The following TBC1D30 variants were observed in gnomAD, a reference collection of about 807,000 sequenced individuals.
The protein encoded by TBC1D30 is TBC1 domain family, member 30.
TBC1D30 carries 31 observed loss-of-function variants against 63.2 expected under a neutral mutation model. The observed-to-expected ratio is 0.49, with a 90% CI of 0.37 to 0.66. The LOEUF is 0.66. TBC1D30 is among the 30% of genes least tolerant of loss of function. The probability of loss-of-function intolerance (pLI) is 0.00; values close to 1 mark genes in which losing one functional copy is unlikely to be tolerated. For synonymous variants in TBC1D30, 307 were observed against 361.5 expected (o/e 0.85, Z 1.71); for missense variants, 810 against 953.6 (o/e 0.85, Z 1.98).
chr12:64,799,029 G>A (rs1455452959), intron 2 of TBC1D30, among the ~76,000 whole-genome samples: 1 of 151,960 alleles, frequency 6.6e-6, no homozygotes, highest in Non-Finnish European at 1.5e-5. Context: ...TAGCCAGGAT[G>A]GTCTTGACCT....
At chr12:64,825,306 C>G in intron 1 of TBC1D30, 1 of 408,968 alleles carries the variant, frequency 2.4e-6, no homozygotes, top group Non-Finnish European at 4.3e-6. Flanking sequence ...GGCCTGTGTG[C>G]TCGGCTTTCT....
At chr12:64,806,846 A>G (rs183693653) in intron 2 of TBC1D30, among the ~76,000 whole-genome samples, 3 of 152,374 alleles carry the variant, frequency 2.0e-5, no homozygotes, top group Admixed American at 2.0e-4. Flanking sequence ...AACACTATTC[A>G]GCTTTAGAAA....
chr12:64,803,929 G>A (rs939799058), intron 2 of TBC1D30, among the ~76,000 whole-genome samples: 1 of 152,182 alleles, frequency 6.6e-6, no homozygotes, highest in Admixed American at 6.5e-5. Context: ...AAGTCAGGTA[G>A]TGTGATGCCT....
At chr12:64,854,160 T>C (rs1331249109) in intron 8 of TBC1D30, among the ~76,000 whole-genome samples, 1 of 152,206 alleles carries the variant, frequency 6.6e-6, no homozygotes, top group Admixed American at 6.5e-5. Flanking sequence ...TCTTTCTTCT[T>C]TCCTTCGTTT....
chr12:64,872,492 A>T (rs1426046428), intron 11 of TBC1D30, among the ~76,000 whole-genome samples: 1 of 152,132 alleles, frequency 6.6e-6, no homozygotes, highest in African/African-American at 2.4e-5. Flanking sequence ...TCTTTAAGGG[A>T]GAGATTGCTG....
chr12:64,778,775 C>T (rs188414660), upstream of TBC1D30, among the ~76,000 whole-genome samples: 14 of 152,060 alleles, frequency 9.2e-5, no homozygotes, highest in Admixed American at 2.0e-4. Flanking sequence ...CCGTCCACCT[C>T]GGCCTCCCAA....
upstream of TBC1D30, chr12:64,824,517 G>C (rs370317924): frequency 4.6e-6 from 1 of 216,064 alleles, no homozygotes; most frequent in African/African-American, 2.3e-5. Flanking sequence ...TTCTGGGCAC[G>C]GGGGAGCTGG....
intron 2 of TBC1D30, among the ~76,000 whole-genome samples, chr12:64,798,545 T>C (rs1463646396): frequency 6.6e-6 from 1 of 152,214 alleles, no homozygotes; most frequent in Non-Finnish European, 1.5e-5. Flanking sequence ...GCTGATTTGA[T>C]ATTCTCAAGA....
chr12:64,849,592 G>T (rs1876687118), intron 8 of TBC1D30, among the ~76,000 whole-genome samples: 1 of 152,106 alleles, frequency 6.6e-6, no homozygotes, highest in Non-Finnish European at 1.5e-5. Context: ...TAGATGTGTG[G>T]TGTTATTTCT....
chr12:64,866,624 G>T (rs1266603552), intron 9 of TBC1D30, 140 bp from the exon 10 acceptor site: 5 of 824,184 alleles, frequency 6.1e-6, no homozygotes, highest in Non-Finnish European at 8.8e-6. Flanking sequence ...ATTTTTAGCA[G>T]AGATGGGGTT....
chr12:64,848,725 CA>C (rs1210877351), intron 8 of TBC1D30, among the ~76,000 whole-genome samples: 1 of 152,178 alleles, frequency 6.6e-6, no homozygotes, highest in Non-Finnish European at 1.5e-5. Flanking sequence ...AATAGTGCTG[CA>C]GTAAATGTAA....
rs536842219 is a variant in TBC1D30 at position 64,818,494 on chromosome 12, C to T, written c.644-9341C>T. Reference sequence around the variant, plus strand: ...GTTGCCAGGCTGGAATGCTGGAATGCAGTGGCGCAATCCTGGCTCACTCAA... The same window carrying T: ...GTTGCCAGGCTGGAATGCTGGAATGTAGTGGCGCAATCCTGGCTCACTCAA... On this transcript the variant is annotated intron_variant, in intron 2 of 12. Coordinates refer to the TBC1D30 transcript ENST00000542120. 23 of 728,130 alleles carry T rather than the reference C, an allele frequency of 3.2e-5. 1 individual carries two copies. The African/African-American group carries it at 3.5e-4, about 11-fold the overall frequency. The allele number at this position is 728,130 out of a possible 1,614,324, so 45.1% of individuals were successfully genotyped here.
chr12:64,807,917 A>ATTTTTTTTTTTTTTTTTTTTTT (rs1175968255), intron 2 of TBC1D30, among the ~76,000 whole-genome samples: 2 of 49,510 alleles, frequency 4.0e-5, no homozygotes, highest in African/African-American at 3.9e-4. Context: ...GCCTAATTTA[A>ATTTTTTTTTTTTTTTTTTTTTT]GTTTTTTTTT....
chr12:64,839,734 C>A (rs556351719), intron 7 of TBC1D30, among the ~76,000 whole-genome samples: 2 of 152,008 alleles, frequency 1.3e-5, no homozygotes, highest in Non-Finnish European at 2.9e-5. Context: ...CGGCCGAGCG[C>A]GGTAGCTCAC....
intron 1 of TBC1D30, among the ~76,000 whole-genome samples, chr12:64,774,322 T>C (rs1242319147): frequency 6.6e-6 from 1 of 152,220 alleles, no homozygotes; most frequent in East Asian, 1.9e-4. Context: ...CTGATTGGTG[T>C]ACCTGAAAGA....
chr12:64,809,009 T>C (rs550084624), intron 2 of TBC1D30, among the ~76,000 whole-genome samples: 1 of 152,340 alleles, frequency 6.6e-6, no homozygotes, highest in South Asian at 2.1e-4. Flanking sequence ...ATGAACATGG[T>C]ATAGCTCTGT....
chr12:64,875,136 C>T lies in TBC1D30; in HGVS notation c.1634C>T (p.Thr545Ile), dbSNP rs1169610645. 6.5e-7 allele frequency: 1 copy of T among 1,536,444 alleles called. No individual in the cohort carries two copies. Among genetic ancestry groups the T allele is most frequent in the South Asian group, 1.2e-5 (1 of 84,066 alleles). Residue 545 changes from threonine to isoleucine, a missense_variant, in exon 12 of 12, where the codon ACA becomes ATA. Thr to Ile is a moderately conservative substitution (Grantham distance 89). Transcript: ENST00000539867. ...GCTGTCATCCACATCCCTGGTCACA[C>T]AGGAGGGAAAATATCTCCTGTCCCC... ...KNAVIHIPGHTGGKISPVPYE... is the reference protein window; with the variant it reads ...KNAVIHIPGHIGGKISPVPYE...
intron 8 of TBC1D30, among the ~76,000 whole-genome samples, chr12:64,860,136 G>GC (rs930867257): frequency 2.0e-5 from 3 of 151,100 alleles, no homozygotes; most frequent in Non-Finnish European, 2.9e-5. Context: ...TCCCACCTCA[G>GC]CCCCCCAAGT....
chr12:64,867,010 A>G (rs1322932314), intron 10 of TBC1D30, 107 bp downstream of exon 10: 15 of 1,291,952 alleles, frequency 1.2e-5, no homozygotes, highest in Middle Eastern at 2.2e-4. Context: ...ACTGGTTACA[A>G]CTATTAAAAG....
Sources: gnomAD v4.1 joint callset for allele counts (sites outside exome capture counted in the v4.1 genomes callset) on GRCh38, gnomAD v4.1.1 for gene constraint, MANE v1.5 for transcripts, NCBI Gene and HGNC (gene_info 2026-07-23, HGNC 2026-07-21) for gene names.